P2RX6: variants seen among roughly 807,000 people sequenced by gnomAD.
P2RX6 encodes the protein P2X purinoceptor 6.
P2RX6 carries 62 observed loss-of-function variants against 54.2 expected under a neutral mutation model. The ratio of observed to expected loss-of-function variants is 1.14; its 90% CI spans 0.93 to 1.41. The LOEUF (loss-of-function observed/expected upper bound fraction) is 1.41. P2RX6 is among the 40% of genes most tolerant of loss of function. The pLI is 0.00. For synonymous variants in P2RX6, 211 were observed against 231.9 expected (o/e 0.91, Z 0.82); for missense variants, 541 against 566.3 (o/e 0.96, Z 0.45).
chr22:21,017,790 T>G, intron 2 of P2RX6, 199 bp from the exon 3 acceptor site: 1 of 660,976 alleles, frequency 1.5e-6, no homozygotes, highest in Non-Finnish European at 2.8e-6. Flanking sequence ...GAGATGGACA[T>G]GGGCACAAGG....
At chr22:21,022,169 A>G (rs558391058) in intron 3 of P2RX6, among the ~76,000 whole-genome samples, 1 of 151,940 alleles carries the variant, frequency 6.6e-6, no homozygotes, top group African/African-American at 2.4e-5. Flanking sequence ...GGAGTTAAAA[A>G]CCAGCCTGGT....
At position 21,022,777 on chromosome 22, in the gene P2RX6, G is replaced by A. The variant is rs775999297; in HGVS notation, c.463+26G>A. 3.0e-5 allele frequency: 47 copies of A among 1,541,228 alleles called. 1 individual carries two copies. The Middle Eastern group carries it at 1.6e-3, about 52-fold the overall frequency. On this transcript the variant is annotated intron_variant, in intron 4 of 11. Transcript: ENST00000413302. The stretch of plus-strand genomic sequence containing the variant: ...GTAACTGTGGGCTCTGTCTTCCAGT[G>A]CCCCCAGCAGGGTGGGGGCCGGGCT...
chr22:21,016,779 G>A (rs1191826262), intron 2 of P2RX6, among the ~76,000 whole-genome samples: 2 of 151,828 alleles, frequency 1.3e-5, no homozygotes, highest in Non-Finnish European at 2.9e-5. Flanking sequence ...CCCTCTTCTC[G>A]GCTGCGTTTT....
intron 8 of P2RX6, among the ~76,000 whole-genome samples, chr22:21,025,357 C>T (rs1928238164): frequency 1.3e-5 from 2 of 152,216 alleles, no homozygotes; most frequent in South Asian, 2.1e-4. Flanking sequence ...GCTTCCCCAA[C>T]CTCCCCAGCC....
In P2RX6 at chr22:21,026,637, A is replaced by G; in HGVS notation, c.*20A>G. 6.5e-7 allele frequency: 1 copy of G among 1,548,586 alleles called. No individual in the cohort carries two copies. Among genetic ancestry groups the G allele is most frequent in the Non-Finnish European group, 8.7e-7 (1 of 1,145,002 alleles). On this transcript the variant is annotated 3_prime_UTR_variant, in exon 12 of 12. Transcript: ENST00000413302. This position sits in a 1 kb window ranked among gnomAD's most constrained non-coding sequence, Gnocchi z 4.0. ...CTGTAGCCGTTCCCTGCTGGTTGAG[A>G]GTTGGGGGCTGGGAAGGGCGGGGCC...
At chr22:21,016,446 G>A (rs1372725355) in intron 2 of P2RX6, among the ~76,000 whole-genome samples, 1 of 152,050 alleles carries the variant, frequency 6.6e-6, no homozygotes, top group African/African-American at 2.4e-5. Context: ...AAAATTAGCC[G>A]GGCATGGTGG....
intron 6 of P2RX6, 22 bp downstream of exon 6, chr22:21,023,220 T>C: frequency 6.2e-7 from 1 of 1,613,448 alleles, no homozygotes; most frequent in Non-Finnish European, 8.5e-7. Flanking sequence ...GGGTCTCATC[T>C]GCCCCAAGAC....
intron 1 of P2RX6, 96 bp from the exon 2 acceptor site, chr22:21,015,846 T>C: frequency 3.1e-6 from 4 of 1,303,404 alleles, no homozygotes; most frequent in Non-Finnish European, 3.1e-6. Flanking sequence ...CGGGAGCCTG[T>C]AGGGTGTGGG....
chr22:21,015,073 C>G (rs1380921081), upstream of P2RX6: 3 of 660,646 alleles, frequency 4.5e-6, no homozygotes, highest in East Asian at 9.7e-5. Flanking sequence ...GGATCTGGAT[C>G]CTGCTTTAGT....
upstream of P2RX6, chr22:21,012,399 C>A (rs1407647363): frequency 1.1e-5 from 4 of 357,490 alleles, no homozygotes; most frequent in Non-Finnish European, 2.1e-5. Context: ...TGTGATGAGG[C>A]CCCTCCTCTA....
intron 2 of P2RX6, among the ~76,000 whole-genome samples, chr22:21,017,324 A>C (rs1926567356): frequency 6.6e-6 from 1 of 152,078 alleles, no homozygotes; most frequent in Admixed American, 6.5e-5. Context: ...CTGGGCATAC[A>C]TTCCCCAAAT....
chr22:21,021,986 C>T (rs1459141413), intron 3 of P2RX6, among the ~76,000 whole-genome samples: 1 of 152,190 alleles, frequency 6.6e-6, no homozygotes, highest in Non-Finnish European at 1.5e-5. Context: ...CCCAAGGTAT[C>T]TTCACCTTCC....
chr22:21,018,472 A>C (rs1184508192), intron 3 of P2RX6: 3 of 259,918 alleles, frequency 1.2e-5, no homozygotes, highest in African/African-American at 2.2e-5. Context: ...TTCTAATAGC[A>C]AGAGCCAAGC....
Position 21,026,950 on chromosome 22 carries a change from T to C in P2RX6, c.*333T>C. ...CCCAGTGCTCTGTCCCCAGTGTTCC[T>C]AGCAGAGGTATGCTTACCAGCTGTC... is the stretch of plus-strand genomic sequence containing the variant. On this transcript the variant is annotated 3_prime_UTR_variant, in exon 12 of 12. Transcript: ENST00000413302. This position sits in a 1 kb window ranked among gnomAD's most constrained non-coding sequence, Gnocchi z 4.0. The C allele has an allele frequency of 2.7e-6, 1 of 368,216 alleles. No individual in the cohort carries two copies. 22.8% of individuals were successfully genotyped at this position (368,216 alleles called of 1,614,324 possible).
chr22:21,012,505 C>T, upstream of P2RX6: 1 of 567,406 alleles, frequency 1.8e-6, no homozygotes, highest in Non-Finnish European at 3.4e-6. Context: ...GCCTGCCCAC[C>T]TGCCCCAGAC....
At chr22:21,020,835 G>A (rs1292032171) in intron 3 of P2RX6, among the ~76,000 whole-genome samples, 4 of 151,742 alleles carry the variant, frequency 2.6e-5, no homozygotes, top group Non-Finnish European at 5.9e-5. Flanking sequence ...CAGGTAATCC[G>A]CCCACCTTGG....
chr22:21,017,953 A>G (rs1174382316), intron 2 of P2RX6, 36 bp from the exon 3 acceptor site: 1 of 1,425,334 alleles, frequency 7.0e-7, no homozygotes, highest in South Asian at 1.2e-5. Flanking sequence ...AGTCAACACG[A>G]GCCCAGCCAG....
rs752574779 is a variant in P2RX6, at chr22:21,025,862, C to A, written c.948C>A (p.Leu316=). The part of the protein sequence containing the change: ...PGVEARTLLK[L]YGIRFDILVT... The stretch of plus-strand genomic sequence containing the variant: ...TGGAGGCCCGCACCCTGCTCAAGCT[C>A]TATGGAATCCGCTTCGACATCCTCG... The change falls in exon 9 of 12, where the codon CTC becomes CTA. Residue 316 remains leucine, a synonymous_variant. Transcript: ENST00000413302. The A allele has an allele frequency of 6.4e-7, 1 of 1,573,750 alleles. No individual in the cohort carries two copies. The highest frequency in any genetic ancestry group is 8.6e-7 in the Non-Finnish European group (1 of 1,160,064).
intron 8 of P2RX6, among the ~76,000 whole-genome samples, chr22:21,024,811 T>C (rs1928105638): frequency 6.6e-6 from 1 of 151,288 alleles, no homozygotes; most frequent in African/African-American, 2.4e-5. Flanking sequence ...CCTCAGGTGA[T>C]CTGCCCACTT....
Sources: gnomAD v4.1 joint callset for allele counts (sites outside exome capture counted in the v4.1 genomes callset) on GRCh38, gnomAD v4.1.1 for gene constraint, Gnocchi (gnomAD v3.1) non-coding constraint, MANE v1.5 for transcripts, NCBI Gene and HGNC (gene_info 2026-07-23, HGNC 2026-07-21) for gene names.